The following ESR1 variants were observed in gnomAD, a reference collection of about 807,000 sequenced individuals.
ESR1 encodes estrogen receptor 1, also known as estrogen receptor.
In ESR1, 12 loss-of-function variants were observed where a neutral mutation model predicts 52.7. The observed-to-expected ratio is 0.23, with a 90% CI of 0.15 to 0.37. ESR1 has a LOEUF of 0.37. ESR1 is among the 10% of genes least tolerant of loss of function. The pLI is 1.00. For missense variants in ESR1, 584 were observed against 779.7 expected, an observed-to-expected ratio of 0.75 and a Z score of 2.99; for synonymous variants, 305 against 316.8, an observed-to-expected ratio of 0.96 and a Z score of 0.39.
chr6:151,952,864 A>C (rs1584434830), intron 4 of ESR1, among the ~76,000 whole-genome samples: 1 of 152,350 alleles, frequency 6.6e-6, no homozygotes, highest in East Asian at 1.9e-4. Flanking sequence ...CTTGTTCTTT[A>C]AAAGTCGTAT....
At chr6:151,694,714 G>A (rs927846578) in intron 1 of ESR1, among the ~76,000 whole-genome samples, 8 of 151,512 alleles carry the variant, frequency 5.3e-5, no homozygotes, top group Non-Finnish European at 1.2e-4. Flanking sequence ...TTGAACCCGC[G>A]AAGTGGAGGT....
At chr6:152,073,471 T>C (rs538945850) in intron 6 of ESR1, among the ~76,000 whole-genome samples, 13 of 152,170 alleles carry the variant, frequency 8.5e-5, no homozygotes, top group Non-Finnish European at 1.9e-4. Flanking sequence ...AAAGTAACCA[T>C]TGTCAACATT....
intron 1 of ESR1, among the ~76,000 whole-genome samples, chr6:151,671,031 G>T (rs887129738): frequency 6.6e-6 from 1 of 152,120 alleles, no homozygotes; most frequent in Non-Finnish European, 1.5e-5. Context: ...GCCTCCAAAA[G>T]TGCTGTGATT....
intron 6 of ESR1, among the ~76,000 whole-genome samples, chr6:152,083,413 T>C (rs2049410968): frequency 6.6e-6 from 1 of 152,214 alleles, no homozygotes; most frequent in Non-Finnish European, 1.5e-5. Context: ...GCTAGCCATA[T>C]GTAGAAAGCT....
chr6:151,898,902 A>G (rs1036533901), intron 3 of ESR1, among the ~76,000 whole-genome samples: 70 of 152,108 alleles, frequency 4.6e-4, no homozygotes, highest in African/African-American at 1.6e-3. Flanking sequence ...CCCGTTCTCA[A>G]TGAGCTGTTG....
intron 2 of ESR1, among the ~76,000 whole-genome samples, chr6:151,861,577 G>A (rs1219819761): frequency 6.6e-6 from 1 of 152,038 alleles, no homozygotes; most frequent in African/African-American, 2.4e-5. Flanking sequence ...TTAACCTGCC[G>A]GGCAGCAGAG....
chr6:151,945,374 G>A (rs1052872253), intron 4 of ESR1, among the ~76,000 whole-genome samples: 3 of 152,186 alleles, frequency 2.0e-5, no homozygotes, highest in African/African-American at 7.2e-5. Flanking sequence ...ATAAATTAAG[G>A]TATCATCCCT....
At position 152,024,454 on chromosome 6, in the gene ESR1, A is replaced by G. The variant is rs1003287150; in HGVS notation, c.1235+12660A>G. ...TTTATTGAAATTATGTAAAATATAA[A>G]TTGGCTTAGGAAGTACTGATATCTC... On this transcript the variant is annotated intron_variant, in intron 5 of 7. Transcript: ENST00000206249. Among the ~76,000 whole-genome samples, 15 of 151,854 alleles carry G rather than the reference A, an allele frequency of 9.9e-5. No individual in the cohort carries two copies. In the East Asian group the frequency reaches 1.3e-3, roughly 14 times the overall value.
intron 5 of ESR1, among the ~76,000 whole-genome samples, chr6:152,056,839 A>T (rs1373922824): frequency 6.6e-6 from 1 of 152,144 alleles, no homozygotes; most frequent in African/African-American, 2.4e-5. Flanking sequence ...CTGATCTATG[A>T]CTGGAGCTGT....
At chr6:151,717,560 T>C (rs958877374) in intron 2 of ESR1, among the ~76,000 whole-genome samples, 1 of 152,240 alleles carries the variant, frequency 6.6e-6, no homozygotes, top group Non-Finnish European at 1.5e-5. Context: ...TTTCTTCATA[T>C]TGGCTTTCTT....
At chr6:151,776,004 C>T (rs889972083) in intron 2 of ESR1, among the ~76,000 whole-genome samples, 6 of 152,004 alleles carry the variant, frequency 3.9e-5, no homozygotes, top group African/African-American at 1.2e-4. Flanking sequence ...TGAAGGTGAG[C>T]GGATCTTAAA....
At chr6:152,096,908 C>T (rs968985911) in intron 7 of ESR1, among the ~76,000 whole-genome samples, 10 of 152,160 alleles carry the variant, frequency 6.6e-5, no homozygotes, top group African/African-American at 2.2e-4. Context: ...CAATGCATTG[C>T]AGTTGGGTGT....
At chr6:151,680,148 G>A (rs574468623) in intron 1 of ESR1, among the ~76,000 whole-genome samples, 1 of 151,788 alleles carries the variant, frequency 6.6e-6, no homozygotes, top group South Asian at 2.1e-4. Flanking sequence ...GCATGGTCTG[G>A]TTCTGGTGAG....
chr6:152,043,907 A>G (rs2046010316), intron 5 of ESR1, among the ~76,000 whole-genome samples: 1 of 152,140 alleles, frequency 6.6e-6, no homozygotes, highest in African/African-American at 2.4e-5. Flanking sequence ...CACTCACATG[A>G]TAAGAGCTTG....
chr6:151,844,339 A>G (rs1404783659), intron 2 of ESR1, among the ~76,000 whole-genome samples: 1 of 152,164 alleles, frequency 6.6e-6, no homozygotes, highest in Non-Finnish European at 1.5e-5. Context: ...CTAAAATACC[A>G]TTGTTTTTAC....
chr6:151,708,578 T>A (rs1348521582), intron 2 of ESR1, among the ~76,000 whole-genome samples: 1 of 152,222 alleles, frequency 6.6e-6, no homozygotes, highest in African/African-American at 2.4e-5. Flanking sequence ...CTAGTACTCC[T>A]ATTTCCCTGC....
Position 151,895,893 on chromosome 6 carries a change from G to A in ESR1, c.760+15122G>A, listed in dbSNP as rs139465138. ...CAACTTCCACTTTCTGGTTTCCAGCGATTCTCCTGCCTCAGCTCCCTGAGT... is the reference window on the plus strand; with the variant it reads ...CAACTTCCACTTTCTGGTTTCCAGCAATTCTCCTGCCTCAGCTCCCTGAGT... On this transcript the variant is annotated intron_variant, in intron 3 of 7. Transcript: ENST00000206249. Among the ~76,000 whole-genome samples the A allele has an allele frequency of 6.5e-3, 997 of 152,226 alleles. 12 individuals carry two copies. The highest frequency in any genetic ancestry group is 0.023 in the African/African-American group (958 of 41,542).
At chr6:151,840,479 A>C (rs1422367213) in intron 1 of ESR1, among the ~76,000 whole-genome samples, 1 of 152,238 alleles carries the variant, frequency 6.6e-6, no homozygotes, top group Non-Finnish European at 1.5e-5. Flanking sequence ...CGAAATTGGC[A>C]AAGTCAGACG....
At chr6:151,690,620 C>T (rs1443236467) in exon 1 of ESR1, 1 of 152,190 alleles carries the variant, frequency 6.6e-6, no homozygotes, top group African/African-American at 2.4e-5. Flanking sequence ...CCTGCCCATT[C>T]TATAGCATAA....
Sources: allele counts gnomAD v4.1 joint callset (sites outside exome capture counted in the v4.1 genomes callset), GRCh38; gene constraint gnomAD v4.1.1; transcripts MANE v1.5; gene names NCBI Gene and HGNC (gene_info 2026-07-23, HGNC 2026-07-21).